The following ITGB3BP variants were observed in gnomAD, a reference collection of about 807,000 sequenced individuals.
The protein encoded by ITGB3BP is centromere protein R.
In ITGB3BP, 27 loss-of-function variants were observed where a neutral mutation model predicts 29.1. The ratio of observed to expected loss-of-function variants is 0.93; its 90% confidence interval spans 0.68 to 1.28. The LOEUF (loss-of-function observed/expected upper bound fraction) is 1.28, where lower values mean the gene tolerates loss of function less well. Ranked by LOEUF, ITGB3BP falls within the 50% of genes most tolerant of loss-of-function variation. The pLI is 0.00. For missense variants in ITGB3BP, 192 were observed against 200.2 expected (o/e 0.96, Z 0.25); for synonymous variants, 61 against 61.4 (o/e 0.99, Z 0.03).
intron 4 of ITGB3BP, among the ~76,000 whole-genome samples, chr1:63,455,547 C>T (rs968744201): frequency 1.3e-4 from 19 of 151,998 alleles, no homozygotes; most frequent in African/African-American, 4.6e-4. Flanking sequence ...TGGGTTCAAT[C>T]GATCCTCTTA....
intron 2 of ITGB3BP, among the ~76,000 whole-genome samples, chr1:63,503,084 C>A (rs537782860): frequency 6.6e-6 from 1 of 152,100 alleles, no homozygotes; most frequent in Non-Finnish European, 1.5e-5. Context: ...CCTGAGGAAT[C>A]GCCACACTGA....
At chr1:63,453,497 T>G (rs1378069047) in intron 7 of ITGB3BP, 1 of 157,952 alleles carries the variant, frequency 6.3e-6, no homozygotes, top group African/African-American at 2.4e-5. Flanking sequence ...GAGTTCATAG[T>G]AGAACAAAGC....
chr1:63,516,327 G>A (rs1445649447), intron 1 of ITGB3BP, among the ~76,000 whole-genome samples: 2 of 95,550 alleles, frequency 2.1e-5, no homozygotes, highest in South Asian at 1.1e-3. Context: ...AGAGGAGAGG[G>A]GAGGGGAAGG....
chr1:63,518,216 C>T (rs1233423647), intron 1 of ITGB3BP, among the ~76,000 whole-genome samples: 3 of 152,166 alleles, frequency 2.0e-5, no homozygotes, highest in East Asian at 1.9e-4. Context: ...TATTTTCTCA[C>T]GAATGGGTAT....
chr1:63,500,427 T>G (rs1222657638), intron 2 of ITGB3BP, among the ~76,000 whole-genome samples: 1 of 151,990 alleles, frequency 6.6e-6, no homozygotes, highest in African/African-American at 2.4e-5. Flanking sequence ...AATAAATGGG[T>G]TCAGCAAAGC....
At chr1:63,460,859 G>A (rs1237616974) in intron 4 of ITGB3BP, among the ~76,000 whole-genome samples, 1 of 151,938 alleles carries the variant, frequency 6.6e-6, no homozygotes, top group Non-Finnish European at 1.5e-5. Flanking sequence ...GTCTCACTGT[G>A]GTTTTGATTT....
intron 1 of ITGB3BP, among the ~76,000 whole-genome samples, chr1:63,518,914 T>A: frequency 6.6e-6 from 1 of 152,160 alleles, no homozygotes; most frequent in East Asian, 1.9e-4. Context: ...AGTATGCCTT[T>A]TTAACATACC....
At chr1:63,526,560 C>G (rs924357774), upstream of ITGB3BP, among the ~76,000 whole-genome samples, 1 of 152,066 alleles carries the variant, frequency 6.6e-6, no homozygotes. Context: ...TTGAGGAATA[C>G]AAGAATTGAC....
At chr1:63,463,912 G>A (rs887327566) in intron 4 of ITGB3BP, among the ~76,000 whole-genome samples, 1 of 152,056 alleles carries the variant, frequency 6.6e-6, no homozygotes, top group Non-Finnish European at 1.5e-5. Context: ...AGTAAAAAAG[G>A]CAAAGTGAAA....
At position 63,489,989 on chromosome 1, in the gene ITGB3BP, C is replaced by A. The variant is rs878950277; in HGVS notation, c.184+94G>T. The A allele has an allele frequency of 1.5e-4, 160 of 1,052,466 alleles. No individual in the cohort carries two copies. The South Asian group carries it at 2.3e-3, about 15-fold the overall frequency. The allele number at this position is 1,052,466 out of a possible 1,614,324, so 65.2% of individuals were successfully genotyped here. ...TTATTTGAGAGAAGAGAAAAATCAG[C>A]TGTAGCAAGATCCATACATAATTAA... On this transcript the variant is annotated intron_variant, in intron 3 of 8. Transcript: ENST00000271002.
At chr1:63,442,645 G>C (rs1017319632) in intron 8 of ITGB3BP, 2 of 152,232 alleles carry the variant, frequency 1.3e-5, no homozygotes, top group Non-Finnish European at 2.9e-5. Flanking sequence ...TTCTACTAGA[G>C]AGCCTGCCAT....
intron 3 of ITGB3BP, among the ~76,000 whole-genome samples, chr1:63,486,527 TAAGG>T (rs200459587): frequency 1.3e-3 from 200 of 152,118 alleles, no homozygotes; most frequent in East Asian, 3.5e-3. Context: ...AAGAAAATCA[TAAGG>T]AAGATAAAAT....
At chr1:63,444,703 T>C (rs893435870) in intron 8 of ITGB3BP, among the ~76,000 whole-genome samples, 1 of 150,078 alleles carries the variant, frequency 6.7e-6, no homozygotes, top group Non-Finnish European at 1.5e-5. Context: ...GGATAATATT[T>C]ATATATTATC....
At chr1:63,442,434 A>G (rs1327498658) in intron 8 of ITGB3BP, 2 of 152,100 alleles carry the variant, frequency 1.3e-5, no homozygotes, top group Non-Finnish European at 2.9e-5. Flanking sequence ...AACCCATTCT[A>G]TTGTGCTGAC....
At chr1:63,467,970 C>T (rs868354540) in intron 4 of ITGB3BP, among the ~76,000 whole-genome samples, 6 of 152,220 alleles carry the variant, frequency 3.9e-5, no homozygotes, top group Middle Eastern at 3.4e-3. Context: ...AGAGTATCTC[C>T]CATAATCAAA....
At chr1:63,489,583 C>T (rs910010056) in intron 3 of ITGB3BP, among the ~76,000 whole-genome samples, 4 of 151,408 alleles carry the variant, frequency 2.6e-5, no homozygotes, top group Non-Finnish European at 5.9e-5. Flanking sequence ...ATTCTACAAA[C>T]CTTTTGTAAA....
At position 63,454,909 on chromosome 1, in the gene ITGB3BP, T is replaced by G. The variant is rs1047863578; in HGVS notation, c.314A>C (p.Gln105Pro). Residue 105 changes from glutamine to proline, a missense_variant, in exon 5 of 9, where the codon CAA becomes CCA. Transcript: ENST00000271002. The surrounding 1 kb of genome is among the most constrained non-coding windows in gnomAD (Gnocchi z 4.1). Reference protein sequence around the residue: ...KLSEEIMEIMQNLSSIQALEG... With the variant: ...KLSEEIMEIMPNLSSIQALEG... ...GCAAACCTGTATACTACTTAAATTT[T>G]GCATTATCTCCATGATTTCTTCTGA... 6.5e-7 allele frequency: 1 copy of G among 1,542,666 alleles called. No individual in the cohort carries two copies. Among genetic ancestry groups the G allele is most frequent in the East Asian group, 2.2e-5 (1 of 44,474 alleles).
At chr1:63,503,866 G>A (rs1470803152) in intron 2 of ITGB3BP, among the ~76,000 whole-genome samples, 5 of 152,170 alleles carry the variant, frequency 3.3e-5, no homozygotes, top group East Asian at 1.9e-4. Context: ...TGTTCAATTG[G>A]TCTATACCTC....
intron 2 of ITGB3BP, among the ~76,000 whole-genome samples, chr1:63,500,171 A>C (rs1460667203): frequency 1.3e-5 from 2 of 152,188 alleles, no homozygotes; most frequent in Admixed American, 1.3e-4. Context: ...TGAGGTCAGG[A>C]GTTCGAGGCC....
Sources: gnomAD v4.1 joint callset for allele counts (sites outside exome capture counted in the v4.1 genomes callset) on GRCh38, gnomAD v4.1.1 for gene constraint, Gnocchi (gnomAD v3.1) non-coding constraint, MANE v1.5 for transcripts, NCBI Gene and HGNC (gene_info 2026-07-23, HGNC 2026-07-21) for gene names.